The following SLC25A26 variants were observed in gnomAD, a reference collection of about 807,000 sequenced individuals.
SLC25A26 encodes solute carrier family 25 member 26.
A neutral mutation model predicts 37.8 loss-of-function variants in SLC25A26; 36 were observed. The observed-to-expected ratio is 0.95, with a 90% CI of 0.73 to 1.26. SLC25A26 has a LOEUF of 1.26. Ranked by LOEUF, SLC25A26 falls within the 50% of genes most tolerant of loss-of-function variation. The pLI is 0.00. For missense variants in SLC25A26, 390 were observed against 331.1 expected (o/e 1.18, Z -1.38); for synonymous variants, 129 against 122.5 (o/e 1.05, Z -0.35).
At chr3:66,205,499 C>T (rs984118848) in intron 1 of SLC25A26, among the ~76,000 whole-genome samples, 6 of 152,124 alleles carry the variant, frequency 3.9e-5, no homozygotes, top group Non-Finnish European at 5.9e-5. Context: ...AGCATAAACG[C>T]AAGGGTCTTG....
intron 1 of SLC25A26, among the ~76,000 whole-genome samples, chr3:66,152,667 A>G (rs2070224055): frequency 6.6e-6 from 1 of 151,778 alleles, no homozygotes; most frequent in South Asian, 2.1e-4. Flanking sequence ...CTACAATTTG[A>G]CTAACTTAGG....
At chr3:66,231,689 A>G (rs782033668) in intron 1 of SLC25A26, among the ~76,000 whole-genome samples, 2 of 151,738 alleles carry the variant, frequency 1.3e-5, no homozygotes, top group Admixed American at 1.3e-4. Context: ...TATAGCATAT[A>G]TTGTTTTATA....
At chr3:66,337,029 A>G (rs1397015449) in intron 5 of SLC25A26, among the ~76,000 whole-genome samples, 1 of 152,160 alleles carries the variant, frequency 6.6e-6, no homozygotes, top group African/African-American at 2.4e-5. Context: ...ATTGCACTGT[A>G]TCAGTAATGC....
chr3:66,145,855 A>C (rs1365223590), intron 1 of SLC25A26, among the ~76,000 whole-genome samples: 1 of 152,118 alleles, frequency 6.6e-6, no homozygotes, highest in African/African-American at 2.4e-5. Flanking sequence ...TTACAAATGA[A>C]AACTTTAAAA....
intron 1 of SLC25A26, among the ~76,000 whole-genome samples, chr3:66,215,095 C>T (rs997933782): frequency 4.6e-5 from 7 of 152,038 alleles, no homozygotes; most frequent in Non-Finnish European, 1.0e-4. Context: ...ACTACATTCC[C>T]GCCTGGGTGA....
intron 5 of SLC25A26, among the ~76,000 whole-genome samples, chr3:66,268,609 G>A (rs957960055): frequency 2.0e-4 from 31 of 152,190 alleles, no homozygotes; most frequent in East Asian, 1.9e-4. Flanking sequence ...CACACAGTAC[G>A]TGCTCAGGAA....
intron 5 of SLC25A26, among the ~76,000 whole-genome samples, chr3:66,285,837 G>C (rs968831151): frequency 6.6e-6 from 1 of 152,086 alleles, no homozygotes; most frequent in Non-Finnish European, 1.5e-5. Flanking sequence ...CCTTCTGGGA[G>C]CTAACCACAG....
intron 3 of SLC25A26, among the ~76,000 whole-genome samples, chr3:66,259,513 A>C (rs2073438982): frequency 6.6e-6 from 1 of 152,040 alleles, no homozygotes; most frequent in African/African-American, 2.4e-5. Flanking sequence ...CCATATGCCT[A>C]TTATCCAAAC....
intron 4 of SLC25A26, among the ~76,000 whole-genome samples, chr3:66,263,029 T>A (rs1390420938): frequency 6.6e-6 from 1 of 152,218 alleles, no homozygotes; most frequent in African/African-American, 2.4e-5. Flanking sequence ...ATATAATTAA[T>A]ATTTAGTAGA....
chr3:66,154,027 C>G (rs940167823), intron 1 of SLC25A26, among the ~76,000 whole-genome samples: 5 of 152,158 alleles, frequency 3.3e-5, no homozygotes, highest in Non-Finnish European at 7.4e-5. Context: ...TAATCGTGAG[C>G]TGTGATGAGC....
At chr3:66,249,478 G>A (rs962666927) in intron 3 of SLC25A26, among the ~76,000 whole-genome samples, 4 of 152,214 alleles carry the variant, frequency 2.6e-5, no homozygotes, top group Non-Finnish European at 5.9e-5. Context: ...TTTTTCCCTA[G>A]TTGTGGCTTA....
intron 5 of SLC25A26, among the ~76,000 whole-genome samples, chr3:66,332,793 C>T (rs1317351584): frequency 1.3e-5 from 2 of 152,164 alleles, no homozygotes; most frequent in Non-Finnish European, 2.9e-5. Context: ...CAGGTTCAGG[C>T]ACAGACAGGG....
At chr3:66,259,510 C>T (rs890529302) in intron 3 of SLC25A26, among the ~76,000 whole-genome samples, 1 of 152,098 alleles carries the variant, frequency 6.6e-6, no homozygotes, top group African/African-American at 2.4e-5. Context: ...CCACCATATG[C>T]CTATTATCCA....
At chr3:66,152,394 A>T (rs2070220842) in intron 1 of SLC25A26, among the ~76,000 whole-genome samples, 1 of 152,234 alleles carries the variant, frequency 6.6e-6, no homozygotes, top group South Asian at 2.1e-4. Context: ...ACTTACTTAA[A>T]AAATAAGGGT....
chr3:66,139,533 C>A lies in SLC25A26; in HGVS notation c.-354+5549C>A, dbSNP rs553380000. ...CATCTGAAGCAGCACACATTTCTTT[C>A]GCGGTCATTAGAGCTCCTAGCCTAC... On this transcript the variant is annotated intron_variant, in intron 1 of 10. Coordinates refer to the SLC25A26 transcript ENST00000676754. Among the ~76,000 whole-genome samples the A allele has an allele frequency of 1.3e-4, 20 of 152,260 alleles. No homozygotes were observed. In the South Asian group the frequency reaches 4.1e-3, roughly 32 times the overall value.
At chr3:66,329,629 AT>A (rs1205057373) in intron 5 of SLC25A26, among the ~76,000 whole-genome samples, 2 of 152,208 alleles carry the variant, frequency 1.3e-5, no homozygotes, top group Non-Finnish European at 2.9e-5. Context: ...ACATTTTTAA[AT>A]GTAAGAAAAT....
chr3:66,287,670 T>C (rs1303890367), intron 5 of SLC25A26, among the ~76,000 whole-genome samples: 1 of 152,264 alleles, frequency 6.6e-6, no homozygotes, highest in Admixed American at 6.5e-5. Context: ...GAAAAGGTGC[T>C]GTGTATTTTG....
intron 1 of SLC25A26, among the ~76,000 whole-genome samples, chr3:66,158,952 TGGGACAGCATGCAGGGGGAGGTGCTGA>T (rs918594854): frequency 2.0e-4 from 30 of 152,178 alleles, no homozygotes; most frequent in African/African-American, 7.2e-4. Context: ...CCCCATACTG[TGGGACAGCATGCAGGGGGAGGTGCTGA>T]GGGACATCAG....
chr3:66,343,702 T>C lies in SLC25A26; in HGVS notation c.454-2662T>C, dbSNP rs2076258358. 1.3e-5 allele frequency among the ~76,000 whole-genome samples: 2 copies of C among 152,198 alleles called. 1 individual carries two copies. The highest frequency in any genetic ancestry group is 4.8e-5 in the African/African-American group (2 of 41,446). On this transcript the variant is annotated intron_variant, in intron 5 of 9. Transcript: ENST00000354883. ...AATGATGCCAATGGGATTGTTAGAG[T>C]AAATTTTAAATCTTTTTTCATCTTA... is the stretch of plus-strand genomic sequence containing the variant.
Sources: gnomAD v4.1 joint callset for allele counts (sites outside exome capture counted in the v4.1 genomes callset) on GRCh38, gnomAD v4.1.1 for gene constraint, MANE v1.5 for transcripts, NCBI Gene and HGNC (gene_info 2026-07-23, HGNC 2026-07-21) for gene names.